The following USP54 variants were observed in gnomAD, a reference collection of about 807,000 sequenced individuals.
The protein encoded by USP54 is ubiquitin specific peptidase 54.
USP54 carries 87 observed loss-of-function variants against 170.5 expected under a neutral mutation model. That is an observed-to-expected ratio of 0.51 (90% confidence interval 0.43 to 0.61). The LOEUF (loss-of-function observed/expected upper bound fraction) is 0.61, where lower values mean the gene tolerates loss of function less well. USP54 is among the 20% of genes least tolerant of loss of function. USP54 has a pLI of 0.00. For missense variants in USP54, 1,786 were observed against 2,047.8 expected (o/e 0.87, Z 2.47); for synonymous variants, 655 against 742.8 (o/e 0.88, Z 1.92).
At chr10:73,502,278 C>A (rs1472072068) in intron 22 of USP54, among the ~76,000 whole-genome samples, 1 of 152,136 alleles carries the variant, frequency 6.6e-6, no homozygotes, top group Non-Finnish European at 1.5e-5. Flanking sequence ...AGGTGCCAGT[C>A]CTCTCAGCAT....
At chr10:73,545,385 A>G (rs1187532589) in intron 5 of USP54, among the ~76,000 whole-genome samples, 153 bp downstream of exon 5, 4 of 152,190 alleles carry the variant, frequency 2.6e-5, no homozygotes, top group Non-Finnish European at 5.9e-5. Flanking sequence ...GCTATAACAG[A>G]GACATTTTAG....
intron 1 of USP54, among the ~76,000 whole-genome samples, chr10:73,603,486 G>A (rs1390720473): frequency 3.3e-5 from 5 of 152,140 alleles, no homozygotes; most frequent in African/African-American, 9.7e-5. Flanking sequence ...TGGCCAAGGC[G>A]GGCAGATCAT....
At chr10:73,522,927 C>T (rs1223812462) in intron 17 of USP54, among the ~76,000 whole-genome samples, 1 of 152,214 alleles carries the variant, frequency 6.6e-6, no homozygotes, top group East Asian at 1.9e-4. Context: ...ATTATAAAAA[C>T]AATAAAGTCA....
chr10:73,592,821 C>T, upstream of USP54, among the ~76,000 whole-genome samples: 1 of 152,230 alleles, frequency 6.6e-6, no homozygotes, highest in East Asian at 1.9e-4. Flanking sequence ...GGAAATCTCA[C>T]TCTAATAGAT....
chr10:73,505,066 G>C lies in USP54; in HGVS notation c.4171-76C>G, dbSNP rs80033569. The stretch of plus-strand genomic sequence containing the variant: ...TTTTCCCACAGACAGTATCCTCAGG[G>C]TATGGGAAAGAGTAGGGGAAGACTC... On this transcript the variant is annotated intron_variant, in intron 21 of 23. Coordinates refer to ENST00000687698, the MANE Select transcript of USP54 (RefSeq NM_001391956.1). 1.4e-3 allele frequency: 2,151 copies of C among 1,593,042 alleles called. 30 individuals carry two copies. In the African/African-American group the frequency reaches 0.025, roughly 19 times the overall value.
At chr10:73,585,730 A>C (rs2077402921) in intron 1 of USP54, among the ~76,000 whole-genome samples, 1 of 152,180 alleles carries the variant, frequency 6.6e-6, no homozygotes. Context: ...CTGCCAATAA[A>C]ATTAATTCCT....
intron 4 of USP54, among the ~76,000 whole-genome samples, chr10:73,556,704 C>G (rs544822639): frequency 1.3e-5 from 2 of 152,234 alleles, no homozygotes; most frequent in African/African-American, 4.8e-5. Context: ...AACAGAGAAA[C>G]AGGCATAAGG....
chr10:73,625,662 A>AAC (rs2081478037), upstream of USP54: 2 of 152,540 alleles, frequency 1.3e-5, no homozygotes, highest in Admixed American at 6.6e-5. Context: ...CCCTGCTCCC[A>AAC]ACACACACAC....
rs776700386 is a variant in USP54 at position 73,516,426 on chromosome 10, A to T, written c.4000T>A (p.Cys1334Ser). ...GTATCCTGCTGCCCCCATCCAGAACAGCCAGCTTGAGAAGCCTGAAGACTG... is the reference window on the plus strand; with the variant it reads ...GTATCCTGCTGCCCCCATCCAGAACTGCCAGCTTGAGAAGCCTGAAGACTG... ...QASLQASQAG[C>S]SGWGQQDTAW... Residue 1334 changes from cysteine to serine, a missense_variant, in exon 20 of 24, where the codon TGT becomes AGT. Around this residue, in one of 3 missense-constraint regions of USP54, gnomAD observed 1,418 missense variants for 1,569.0 expected, o/e 0.90. Transcript: ENST00000687698. 3 of 1,613,738 alleles carry T rather than the reference A, an allele frequency of 1.9e-6. No homozygotes were observed. The highest frequency in any genetic ancestry group is 2.5e-6 in the Non-Finnish European group (3 of 1,179,986).
intron 1 of USP54, among the ~76,000 whole-genome samples, chr10:73,610,797 T>A (rs1370364535): frequency 6.6e-6 from 1 of 152,206 alleles, no homozygotes; most frequent in East Asian, 1.9e-4. Flanking sequence ...AAAACTCAAA[T>A]GCTATTTGAA....
intron 9 of USP54, among the ~76,000 whole-genome samples, chr10:73,540,906 A>C (rs2066486468): frequency 6.6e-6 from 1 of 152,220 alleles, no homozygotes; most frequent in East Asian, 1.9e-4. Context: ...GTATTATCCC[A>C]GACATTAGTT....
Position 73,621,280 on chromosome 10 carries a change from T to C in USP54, c.-18+4287A>G, listed in dbSNP as rs989790241. Among the ~76,000 whole-genome samples, 5 of 148,202 alleles carry C rather than the reference T, an allele frequency of 3.4e-5. 1 individual carries two copies. Among genetic ancestry groups the C allele is most frequent in the African/African-American group, 5.2e-5 (2 of 38,786 alleles). ...CAAATATATAAAAACATGTGACACATACATACATTTTTCTCAATATAAAAA... is the reference window on the plus strand; with the variant it reads ...CAAATATATAAAAACATGTGACACACACATACATTTTTCTCAATATAAAAA... On this transcript the variant is annotated intron_variant, in intron 1 of 22. Coordinates refer to the USP54 transcript ENST00000339859.
chr10:73,539,490 G>A lies in USP54; in HGVS notation c.929C>T (p.Thr310Ile). 5 of 1,609,686 alleles carry A rather than the reference G, an allele frequency of 3.1e-6. No individual in the cohort carries two copies. The highest frequency in any genetic ancestry group is 4.2e-6 in the Non-Finnish European group (5 of 1,177,216). The part of the protein sequence containing the change: ...GKHYSTFFFQ[T>I]KIRKWMYFDD... ...AAAATACATCCATTTGCGAATCTTT[G>A]TTTGAAAAAAGAATGTAGAATAATG... The change falls in exon 10 of 24, where the codon ACA (threonine) becomes ATA (isoleucine). Residue 310 changes from threonine (T) to isoleucine (I), a missense_variant. Thr to Ile is a moderately conservative substitution (Grantham distance 89, BLOSUM62 -1). Coordinates refer to ENST00000687698, the MANE Select transcript of USP54 (RefSeq NM_001391956.1).
Position 73,529,796 on chromosome 10 carries a change from TAA to T in USP54, c.1942_1943del (p.Leu648ArgfsTer15). The stretch of plus-strand genomic sequence containing the variant: ...GCTGGATTAGTCGGGGGTGCTGCTC[TAA>T]AAGGTGAGAGCCTGGCCGTGCTGGG... The part of the protein sequence containing the change: ...WGPARPGSHL[L>X]EQHPRLIQRM... On this transcript the variant is annotated frameshift_variant, in exon 15 of 24. Coordinates refer to ENST00000687698, the MANE Select transcript of USP54 (RefSeq NM_001391956.1). LOFTEE classifies it high-confidence loss of function. 1 of 1,613,638 alleles carries T rather than the reference TAA, an allele frequency of 6.2e-7. No homozygotes were observed. The highest frequency in any genetic ancestry group is 8.5e-7 in the Non-Finnish European group (1 of 1,179,642).
At chr10:73,550,684 ATAT>A (rs2069068460) in intron 4 of USP54, among the ~76,000 whole-genome samples, 1 of 146,492 alleles carries the variant, frequency 6.8e-6, no homozygotes, top group South Asian at 2.1e-4. Flanking sequence ...TAAGGGGGAG[ATAT>A]TATTAAAATC....
intron 20 of USP54, chr10:73,513,601 CAT>C (rs956665121): frequency 1.3e-5 from 2 of 151,986 alleles, no homozygotes; most frequent in Non-Finnish European, 2.9e-5. Context: ...ACAGATATAA[CAT>C]GAGAAAGTCA....
intron 12 of USP54, 27 bp from the exon 13 acceptor site, chr10:73,530,862 G>C (rs768249171): frequency 9.3e-6 from 15 of 1,612,784 alleles, no homozygotes; most frequent in Non-Finnish European, 1.2e-5. Flanking sequence ...ATTGGGGTAA[G>C]CTGGTATCTG....
In USP54 at chr10:73,561,752, ATTAT is replaced by A. The variant is rs1473705204; in HGVS notation, c.240+9665_240+9668del. Among the ~76,000 whole-genome samples the A allele has an allele frequency of 2.0e-5, 3 of 152,354 alleles. No homozygotes were observed. In the East Asian group the frequency reaches 5.8e-4, roughly 29 times the overall value. On this transcript the variant is annotated intron_variant, in intron 4 of 23. Coordinates refer to ENST00000687698, the MANE Select transcript of USP54 (RefSeq NM_001391956.1). ...AGAAACAAGTGGGAGCCACTTCAGG[ATTAT>A]GAGAAGATACTAACTTCAATATAGC...
chr10:73,541,292 C>A lies in USP54; in HGVS notation c.825+83G>T, dbSNP rs571916829. ...TATAATACTTGTCATCTAGGACATA[C>A]CTGTTTGTCTAGTGCTCACTGCTCC... is the stretch of plus-strand genomic sequence containing the variant. On this transcript the variant is annotated intron_variant, in intron 9 of 23. Coordinates refer to ENST00000687698, the MANE Select transcript of USP54 (RefSeq NM_001391956.1). 58 of 1,570,394 alleles carry A rather than the reference C, an allele frequency of 3.7e-5. No homozygotes were observed. The South Asian group carries it at 6.1e-4, about 17-fold the overall frequency.
Sources: allele counts gnomAD v4.1 joint callset (sites outside exome capture counted in the v4.1 genomes callset), GRCh38; gene constraint gnomAD v4.1.1; regional missense constraint gnomAD v4.1.1; transcripts MANE v1.5; gene names NCBI Gene and HGNC (gene_info 2026-07-23, HGNC 2026-07-21).